The following FMNL2 variants were observed in gnomAD, a reference collection of about 807,000 sequenced individuals.
FMNL2 encodes the protein formin-like protein 2.
A neutral mutation model predicts 130.2 loss-of-function variants in FMNL2; 51 were observed. That is an observed-to-expected ratio of 0.39 (90% confidence interval 0.31 to 0.49). FMNL2 has a LOEUF of 0.49. Ranked by LOEUF, FMNL2 falls within the 20% of genes least tolerant of loss-of-function variation. The probability of loss-of-function intolerance (pLI) is 0.85; values close to 1 mark genes in which losing one functional copy is unlikely to be tolerated. For missense variants in FMNL2, 977 were observed against 1,316.2 expected, an observed-to-expected ratio of 0.74 and a Z score of 3.99; for synonymous variants, 465 against 467.1, an observed-to-expected ratio of 1.00 and a Z score of 0.06.
intron 2 of FMNL2, among the ~76,000 whole-genome samples, chr2:152,529,242 T>A (rs1287774722): frequency 6.6e-6 from 1 of 152,114 alleles, no homozygotes; most frequent in Admixed American, 6.5e-5. Context: ...GGAGTGTGGA[T>A]CTGAGTTTTC....
At chr2:152,393,971 A>T (rs892504097) in intron 1 of FMNL2, among the ~76,000 whole-genome samples, 4 of 152,196 alleles carry the variant, frequency 2.6e-5, no homozygotes, top group Non-Finnish European at 5.9e-5. Context: ...AAATGTAAAA[A>T]CCATTCTTAG....
intron 1 of FMNL2, among the ~76,000 whole-genome samples, chr2:152,441,770 G>C (rs2106132162): frequency 6.6e-6 from 1 of 151,890 alleles, no homozygotes; most frequent in Middle Eastern, 3.4e-3. Context: ...GGGAGGCGGA[G>C]TTTGCAGTGA....
rs530802207 is a variant in FMNL2, at chr2:152,342,072, TAAA to T, written c.117+6353_117+6355del. Among the ~76,000 whole-genome samples, 15 of 152,276 alleles carry T rather than the reference TAAA, an allele frequency of 9.9e-5. No homozygotes were observed. The East Asian group carries it at 2.7e-3, about 27-fold the overall frequency. Reference sequence around the variant, plus strand: ...TCTCCTGGTAGGTGCTTCCTGGGCTTAAAGAAGAAAAAGATACGTATGGGCTGA... The same window carrying T: ...TCTCCTGGTAGGTGCTTCCTGGGCTTGAAGAAAAAGATACGTATGGGCTGA... On this transcript the variant is annotated intron_variant, in intron 1 of 25. Coordinates refer to ENST00000288670, the MANE Select transcript of FMNL2 (RefSeq NM_052905.4).
At chr2:152,644,321 A>G (rs1441928223) in intron 25 of FMNL2, among the ~76,000 whole-genome samples, 1 of 152,258 alleles carries the variant, frequency 6.6e-6, no homozygotes, top group Non-Finnish European at 1.5e-5. Flanking sequence ...CTTTGATAGC[A>G]TAATCACCTG....
chr2:152,533,493 A>G (rs560449499), intron 2 of FMNL2, among the ~76,000 whole-genome samples: 16 of 148,688 alleles, frequency 1.1e-4, no homozygotes, highest in Non-Finnish European at 8.9e-5. Flanking sequence ...CCTTACGCCA[A>G]TATGTCTCTG....
At chr2:152,640,979 T>G (rs1012424410) in intron 25 of FMNL2, 65 bp downstream of exon 25, 2 of 1,593,818 alleles carry the variant, frequency 1.3e-6, no homozygotes, top group Admixed American at 1.8e-5. Flanking sequence ...CTGGGATGCA[T>G]GCAGATTTTG....
intron 15 of FMNL2, among the ~76,000 whole-genome samples, chr2:152,620,594 A>G (rs1005147536): frequency 6.6e-6 from 1 of 152,118 alleles, no homozygotes; most frequent in Non-Finnish European, 1.5e-5. Context: ...TCTTATTTAC[A>G]ATAAAGAACT....
rs1474985724 is a variant in FMNL2, at chr2:152,589,995, ATG to A, written c.876+8948_876+8949del. Among the ~76,000 whole-genome samples, 60 of 94,594 alleles carry A rather than the reference ATG, an allele frequency of 6.3e-4. 1 individual carries two copies. The highest frequency in any genetic ancestry group is 2.2e-3 in the African/African-American group (56 of 25,862). 62.1% of individuals were successfully genotyped at this position (94,594 alleles called of 152,430 possible). A position where few individuals can be genotyped will look rare whatever the true frequency, so the allele number is the denominator to read the frequency against. ...TATATATATATATATGTATATGTAT[ATG>A]TATATATATATACATATACATATAT... On this transcript the variant is annotated intron_variant, in intron 9 of 25. Transcript: ENST00000288670.
chr2:152,616,335 T>TG (rs1559011715), intron 12 of FMNL2, among the ~76,000 whole-genome samples: 30 of 145,464 alleles, frequency 2.1e-4, no homozygotes, highest in African/African-American at 7.4e-4. Context: ...GGGTTTTTTT[T>TG]TTTTTTTTTT....
chr2:152,611,465 C>A, intron 10 of FMNL2, 30 bp from the exon 11 acceptor site: 1 of 1,345,712 alleles, frequency 7.4e-7, no homozygotes, highest in Non-Finnish European at 1.0e-6. Flanking sequence ...AGTTTGGAGC[C>A]CATCTAACCC....
At chr2:152,381,810 C>CT (rs3047878) in intron 1 of FMNL2, among the ~76,000 whole-genome samples, 31,448 of 149,812 alleles carry the variant, frequency 0.21, 3,526 homozygotes, top group Admixed American at 0.34. Context: ...CAAAGCAGAA[C>CT]TTTTTTTTTT....
chr2:152,350,984 G>A (rs1358827787), intron 1 of FMNL2, among the ~76,000 whole-genome samples: 1 of 152,188 alleles, frequency 6.6e-6, no homozygotes, highest in African/African-American at 2.4e-5. Flanking sequence ...GGCGGAGGCT[G>A]CAGTGAGCTG....
intron 1 of FMNL2, among the ~76,000 whole-genome samples, chr2:152,443,438 C>G (rs1246472696): frequency 2.0e-5 from 3 of 152,094 alleles, no homozygotes; most frequent in Non-Finnish European, 4.4e-5. Context: ...CAAAGGGTCA[C>G]AACTCATTAA....
intron 1 of FMNL2, among the ~76,000 whole-genome samples, chr2:152,449,902 T>C (rs1321311059): frequency 6.6e-6 from 1 of 152,226 alleles, no homozygotes; most frequent in Non-Finnish European, 1.5e-5. Context: ...ACCACCTTTA[T>C]ACATTCCATC....
intron 1 of FMNL2, among the ~76,000 whole-genome samples, chr2:152,476,102 C>CT (rs1481404102): frequency 1.3e-5 from 2 of 152,146 alleles, no homozygotes; most frequent in African/African-American, 4.8e-5. Context: ...AATACAATGA[C>CT]TATTCATTTC....
intron 1 of FMNL2, among the ~76,000 whole-genome samples, chr2:152,399,496 A>T (rs1029769759): frequency 6.6e-6 from 1 of 151,944 alleles, no homozygotes; most frequent in African/African-American, 2.4e-5. Flanking sequence ...TGGGTGGGGA[A>T]CCTGAGATGG....
At position 152,568,218 on chromosome 2, in the gene FMNL2, G is replaced by GTTTTTTTTTTT. The variant is rs1177965681; in HGVS notation, c.597-6913_597-6903dup. On this transcript the variant is annotated intron_variant, in intron 6 of 25. Transcript: ENST00000288670. ...TGAGCAACGGCTTCCATTTTGGTGG[G>GTTTTTTTTTTT]TTTTTTTTTTTTTTTGAGACGGAGT... 2.2e-3 allele frequency among the ~76,000 whole-genome samples: 76 copies of GTTTTTTTTTTT among 34,848 alleles called. 3 individuals carry two copies. Among genetic ancestry groups the GTTTTTTTTTTT allele is most frequent in the African/African-American group, 5.7e-3 (68 of 11,888 alleles). The allele number at this position is 34,848 out of a possible 152,430, so 22.9% of individuals were successfully genotyped here.
chr2:152,585,553 G>A (rs1361840165), intron 9 of FMNL2, among the ~76,000 whole-genome samples: 4 of 152,228 alleles, frequency 2.6e-5, no homozygotes, highest in Non-Finnish European at 5.9e-5. Context: ...GGAGCCTGGA[G>A]AACCAGGCTT....
intron 1 of FMNL2, among the ~76,000 whole-genome samples, chr2:152,456,297 A>G (rs1041552384): frequency 6.6e-6 from 1 of 152,206 alleles, no homozygotes; most frequent in Non-Finnish European, 1.5e-5. Context: ...TGAGGTTGAA[A>G]AGGTAAATAA....
Sources: gnomAD v4.1 joint callset for allele counts (sites outside exome capture counted in the v4.1 genomes callset) on GRCh38, gnomAD v4.1.1 for gene constraint, MANE v1.5 for transcripts, NCBI Gene and HGNC (gene_info 2026-07-23, HGNC 2026-07-21) for gene names.